The following KIRREL3 variants were observed in gnomAD, a reference collection of about 807,000 sequenced individuals.
KIRREL3 encodes the protein kin of IRRE-like protein 3.
Under a neutral mutation model 89.7 loss-of-function variants are expected in KIRREL3, and 36 were observed. The observed-to-expected ratio is 0.40, with a 90% CI of 0.31 to 0.53. The LOEUF is 0.53. Ranked by LOEUF, KIRREL3 falls within the 20% of genes least tolerant of loss-of-function variation. KIRREL3 has a pLI of 0.49. For synonymous variants in KIRREL3, 445 were observed against 441.4 expected (o/e 1.01, Z -0.10); for missense variants, 864 against 1,056.6 (o/e 0.82, Z 2.53).
intron 7 of KIRREL3, 80 bp from the exon 8 acceptor site, chr11:126,449,237 G>A (rs12791688): frequency 2.2e-5 from 34 of 1,513,602 alleles, no homozygotes; most frequent in Non-Finnish European, 2.8e-5. Flanking sequence ...CCATCCCATG[G>A]AAAAATGAGG....
chr11:126,654,125 C>T (rs533277174), intron 1 of KIRREL3, among the ~76,000 whole-genome samples: 214 of 152,270 alleles, frequency 1.4e-3, no homozygotes, highest in African/African-American at 5.1e-3. Context: ...GGCTGTGTTT[C>T]GGTATCTGCA....
At chr11:126,457,445 A>ATG (rs753856346) in intron 6 of KIRREL3, among the ~76,000 whole-genome samples, 1 of 149,354 alleles carries the variant, frequency 6.7e-6, no homozygotes, top group Non-Finnish European at 1.5e-5. Flanking sequence ...GTGTATGTGT[A>ATG]TGTGTGTGTA....
chr11:126,849,842 T>C (rs1230417713), intron 1 of KIRREL3, among the ~76,000 whole-genome samples: 1 of 152,144 alleles, frequency 6.6e-6, no homozygotes, highest in Non-Finnish European at 1.5e-5. Flanking sequence ...ACGTTCACCA[T>C]GGCACAGGCA....
At chr11:126,670,722 G>A (rs771232441) in intron 1 of KIRREL3, among the ~76,000 whole-genome samples, 2 of 152,122 alleles carry the variant, frequency 1.3e-5, no homozygotes, top group African/African-American at 2.4e-5. Flanking sequence ...ATGGAATGAA[G>A]AAAGATAAAT....
At chr11:126,952,841 T>C (rs1948810596) in intron 1 of KIRREL3, among the ~76,000 whole-genome samples, 1 of 152,172 alleles carries the variant, frequency 6.6e-6, no homozygotes, top group Admixed American at 6.6e-5. Context: ...CAACAGATGC[T>C]GGAGAGGATG....
chr11:126,937,103 A>G (rs904600927), intron 1 of KIRREL3: 4 of 152,138 alleles, frequency 2.6e-5, no homozygotes, highest in African/African-American at 9.7e-5. Context: ...TCACACTTAC[A>G]TCAAGCAGAG....
At position 126,653,787 on chromosome 11, in the gene KIRREL3, G is replaced by C. The variant is rs556927554; in HGVS notation, c.56-90875C>G. On this transcript the variant is annotated intron_variant, in intron 1 of 16. Transcript: ENST00000525144. This position sits in a 1 kb window ranked among gnomAD's most constrained non-coding sequence, Gnocchi z 5.4. ...AGTGCACGGTGGAACCTGAGAAGGT[G>C]GAGAAGGGCAGGGATGCCCCTGGCA... Among the ~76,000 whole-genome samples, 7 of 152,360 alleles carry C rather than the reference G, an allele frequency of 4.6e-5. No homozygotes were observed. Among genetic ancestry groups the C allele is most frequent in the African/African-American group, 1.7e-4 (7 of 41,582 alleles).
intron 1 of KIRREL3, among the ~76,000 whole-genome samples, chr11:126,584,052 G>A (rs193034761): frequency 1.2e-4 from 19 of 152,276 alleles, no homozygotes; most frequent in East Asian, 1.2e-3. Flanking sequence ...GACATTCAGC[G>A]TGCACAATCT....
chr11:126,962,834 T>A (rs1949135372), intron 1 of KIRREL3, among the ~76,000 whole-genome samples: 1 of 152,064 alleles, frequency 6.6e-6, no homozygotes, highest in Non-Finnish European at 1.5e-5. Context: ...CCCTGATCAG[T>A]CAGCAGTCGT....
rs1949359298 is a variant in KIRREL3 at position 126,752,226 on chromosome 11, A to G, written c.56-189314T>C. On this transcript the variant is annotated intron_variant, in intron 1 of 16. Transcript: ENST00000525144. This position sits in a 1 kb window ranked among gnomAD's most constrained non-coding sequence, Gnocchi z 4.8. Reference sequence around the variant, plus strand: ...GTTGGTTGGGGGGGTTTCTTGAAGCATTGTAGCTCCCATTATTCTCTTAAA... The same window carrying G: ...GTTGGTTGGGGGGGTTTCTTGAAGCGTTGTAGCTCCCATTATTCTCTTAAA... Among the ~76,000 whole-genome samples the G allele has an allele frequency of 1.3e-5, 2 of 152,166 alleles. No homozygotes were observed. Among genetic ancestry groups the G allele is most frequent in the African/African-American group, 4.8e-5 (2 of 41,432 alleles).
intron 1 of KIRREL3, among the ~76,000 whole-genome samples, chr11:126,675,884 A>C (rs563410310): frequency 6.6e-6 from 1 of 152,194 alleles, no homozygotes; most frequent in Non-Finnish European, 1.5e-5. Flanking sequence ...CCACAGCAGT[A>C]ATCCAAGCAG....
In KIRREL3 at chr11:126,462,643, G is replaced by T. The variant is rs569491398; in HGVS notation, c.742+514C>A. Among the ~76,000 whole-genome samples the T allele has an allele frequency of 1.1e-4, 17 of 152,254 alleles. No homozygotes were observed. In the South Asian group the frequency reaches 3.3e-3, roughly 30 times the overall value. On this transcript the variant is annotated intron_variant, in intron 6 of 16. Coordinates refer to ENST00000525144, the MANE Select transcript of KIRREL3 (RefSeq NM_032531.4). This position sits in a 1 kb window ranked among gnomAD's most constrained non-coding sequence, Gnocchi z 4.8. ...ATTGCGTCATTACACTCCAGCCTGG[G>T]CAACAGAGTGAGACTCTGTCTCGAA...
rs1410557411 is a variant in KIRREL3 at position 126,796,412 on chromosome 11, G to A, written c.55+204043C>T. 2.6e-5 allele frequency among the ~76,000 whole-genome samples: 4 copies of A among 152,178 alleles called. No homozygotes were observed. The highest frequency in any genetic ancestry group is 9.7e-5 in the African/African-American group (4 of 41,446). On this transcript the variant is annotated intron_variant, in intron 1 of 16. Coordinates refer to ENST00000525144, the MANE Select transcript of KIRREL3 (RefSeq NM_032531.4). The surrounding 1 kb of genome is among the most constrained non-coding windows in gnomAD (Gnocchi z 5.1). The stretch of plus-strand genomic sequence containing the variant: ...CCCGTCCTGTCCCGCAGCATTGGGT[G>A]TGGAGGAAGGCTGAAGGAGGGGACG...
At position 126,428,511 on chromosome 11, in the gene KIRREL3, T is replaced by C. The variant is rs564675037; in HGVS notation, c.1806+668A>G. The stretch of plus-strand genomic sequence containing the variant: ...ATGAGGGAGAGGGACATGTATTGAA[T>C]ATCTATAATAGCTATGTGTGTGTGT... On this transcript the variant is annotated intron_variant, in intron 15 of 16. Coordinates refer to ENST00000525144, the MANE Select transcript of KIRREL3 (RefSeq NM_032531.4). This position sits in a 1 kb window ranked among gnomAD's most constrained non-coding sequence, Gnocchi z 6.4. 6.6e-6 allele frequency among the ~76,000 whole-genome samples: 1 copy of C among 152,144 alleles called. No individual in the cohort carries two copies. Among genetic ancestry groups the C allele is most frequent in the African/African-American group, 2.4e-5 (1 of 41,504 alleles).
chr11:126,841,887 G>C (rs566796425), intron 1 of KIRREL3, among the ~76,000 whole-genome samples: 3 of 152,124 alleles, frequency 2.0e-5, no homozygotes, highest in African/African-American at 7.2e-5. Flanking sequence ...AAAGACAAAG[G>C]CTTCATACAT....
At chr11:126,816,166 GAGTT>G (rs747409105) in intron 1 of KIRREL3, among the ~76,000 whole-genome samples, 4 of 152,186 alleles carry the variant, frequency 2.6e-5, no homozygotes, top group African/African-American at 4.8e-5. Context: ...TCTTAAGAAA[GAGTT>G]AGTTTTGTAT....
rs1021822714 is a variant in KIRREL3, at chr11:126,797,048, T to C, written c.55+203407A>G. Among the ~76,000 whole-genome samples the C allele has an allele frequency of 1.3e-5, 2 of 152,186 alleles. No individual in the cohort carries two copies. The highest frequency in any genetic ancestry group is 4.8e-5 in the African/African-American group (2 of 41,446). The stretch of plus-strand genomic sequence containing the variant: ...TCCTGTGAAGATTCTCTGCACACTA[T>C]TGGAGGAGCTGTCTGTTGCGGGAGG... On this transcript the variant is annotated intron_variant, in intron 1 of 16. Coordinates refer to ENST00000525144, the MANE Select transcript of KIRREL3 (RefSeq NM_032531.4). The surrounding 1 kb of genome is among the most constrained non-coding windows in gnomAD (Gnocchi z 4.9).
At chr11:126,789,604 C>T (rs1950577441) in intron 1 of KIRREL3, among the ~76,000 whole-genome samples, 1 of 152,166 alleles carries the variant, frequency 6.6e-6, no homozygotes, top group Admixed American at 6.5e-5. Flanking sequence ...TGTTAAGACC[C>T]TTGCCAGTCT....
rs1474316496 is a variant in KIRREL3 at position 126,766,945 on chromosome 11, A to G, written c.56-204033T>C. On this transcript the variant is annotated intron_variant, in intron 1 of 16. Coordinates refer to ENST00000525144, the MANE Select transcript of KIRREL3 (RefSeq NM_032531.4). This position sits in a 1 kb window ranked among gnomAD's most constrained non-coding sequence, Gnocchi z 4.2. The stretch of plus-strand genomic sequence containing the variant: ...AAAGAGCTAGTCATGTTTGACCACA[A>G]GAGCCTGGTCTAGGCACATAGATTA... 6.6e-6 allele frequency among the ~76,000 whole-genome samples: 1 copy of G among 152,244 alleles called. No homozygotes were observed. The highest frequency in any genetic ancestry group is 2.4e-5 in the African/African-American group (1 of 41,462).
Sources: gnomAD v4.1 joint callset for allele counts (sites outside exome capture counted in the v4.1 genomes callset) on GRCh38, gnomAD v4.1.1 for gene constraint, Gnocchi (gnomAD v3.1) non-coding constraint, MANE v1.5 for transcripts, NCBI Gene and HGNC (gene_info 2026-07-23, HGNC 2026-07-21) for gene names.